The following SOX5 variants were observed in gnomAD, a reference collection of about 807,000 sequenced individuals.
The protein encoded by SOX5 is SRY-box transcription factor 5, also known as transcription factor SOX-5.
Under a neutral mutation model 92.0 loss-of-function variants are expected in SOX5, and 9 were observed. The observed-to-expected ratio is 0.10, with a 90% CI of 0.06 to 0.17. SOX5 has a LOEUF of 0.17. SOX5 is among the 10% of genes least tolerant of loss of function. SOX5 has a pLI of 1.00. For missense variants in SOX5, 642 were observed against 944.5 expected (o/e 0.68, Z 4.20); for synonymous variants, 344 against 336.3 (o/e 1.02, Z -0.25).
chr12:23,884,601 G>A (rs2097041007), intron 2 of SOX5, among the ~76,000 whole-genome samples: 1 of 152,120 alleles, frequency 6.6e-6, no homozygotes, highest in Admixed American at 6.5e-5. Context: ...GGCTGTTCAA[G>A]CTATTTATTC....
chr12:23,640,040 A>T (rs954672417), intron 8 of SOX5, among the ~76,000 whole-genome samples: 7 of 152,196 alleles, frequency 4.6e-5, no homozygotes, highest in Admixed American at 4.6e-4. Context: ...TCCTATTATT[A>T]GATAATTTTC....
intron 4 of SOX5, among the ~76,000 whole-genome samples, chr12:24,070,719 T>C (rs1204710145): frequency 1.3e-5 from 2 of 152,160 alleles, no homozygotes; most frequent in Non-Finnish European, 2.9e-5. Context: ...GAACAAACAT[T>C]TTTAGACATA....
intron 1 of SOX5, among the ~76,000 whole-genome samples, chr12:23,922,066 TC>T (rs371567734): frequency 6.6e-6 from 1 of 151,816 alleles, no homozygotes; most frequent in East Asian, 1.9e-4. Flanking sequence ...ACCAGACAAC[TC>T]CCCCCCTGGG....
chr12:24,495,221 A>G (rs550916550), intron 1 of SOX5, among the ~76,000 whole-genome samples: 1 of 152,194 alleles, frequency 6.6e-6, no homozygotes, highest in Non-Finnish European at 1.5e-5. Context: ...ACAACTATCT[A>G]TTGAGTATCT....
At chr12:24,373,740 G>T (rs1956973925) in intron 1 of SOX5, among the ~76,000 whole-genome samples, 1 of 152,142 alleles carries the variant, frequency 6.6e-6, no homozygotes, top group African/African-American at 2.4e-5. Flanking sequence ...AAGGAATATT[G>T]AAATTATTTA....
intron 3 of SOX5, among the ~76,000 whole-genome samples, chr12:23,771,187 C>CAAAAAAAA (rs376988688): frequency 1.4e-4 from 15 of 108,546 alleles, no homozygotes; most frequent in East Asian, 2.8e-4. Flanking sequence ...AAAAATGGAG[C>CAAAAAAAA]AAAAAAAAAA....
intron 2 of SOX5, among the ~76,000 whole-genome samples, chr12:24,362,632 T>G (rs898302801): frequency 6.6e-6 from 1 of 152,100 alleles, no homozygotes; most frequent in African/African-American, 2.4e-5. Flanking sequence ...TAGTGCATAG[T>G]ACAACTCAAA....
At chr12:23,566,924 C>T (rs1161664535) in intron 10 of SOX5, among the ~76,000 whole-genome samples, 1 of 152,124 alleles carries the variant, frequency 6.6e-6, no homozygotes, top group Non-Finnish European at 1.5e-5. Context: ...TTTCACTTCC[C>T]TTAACTACAA....
intron 1 of SOX5, among the ~76,000 whole-genome samples, chr12:23,943,394 G>A (rs747467026): frequency 3.9e-5 from 6 of 151,912 alleles, no homozygotes; most frequent in East Asian, 1.9e-4. Context: ...AAGAAAAAAC[G>A]TCATTTAGTA....
At chr12:23,954,495 C>G (rs983171605), upstream of SOX5, among the ~76,000 whole-genome samples, 7 of 151,724 alleles carry the variant, frequency 4.6e-5, no homozygotes, top group African/African-American at 1.7e-4. Flanking sequence ...AACTTCCAAC[C>G]AATATACATC....
chr12:24,390,950 T>C (rs1178322954), intron 1 of SOX5, among the ~76,000 whole-genome samples: 2 of 152,152 alleles, frequency 1.3e-5, no homozygotes, highest in East Asian at 1.9e-4. Flanking sequence ...CATCTAGTAG[T>C]GGGACTGCTG....
chr12:23,993,879 G>GCA (rs200930843), intron 4 of SOX5, among the ~76,000 whole-genome samples: 2,592 of 150,186 alleles, frequency 0.017, 31 homozygotes, highest in Non-Finnish European at 0.028. Context: ...ATGTATGTAT[G>GCA]TATGTATGTA....
chr12:23,536,024 G>A (rs1940347447), intron 14 of SOX5, among the ~76,000 whole-genome samples: 1 of 152,104 alleles, frequency 6.6e-6, no homozygotes, highest in Admixed American at 6.5e-5. Flanking sequence ...TACCTTGATA[G>A]CTCACTAACC....
At chr12:24,247,586 T>G (rs1408714090) in intron 3 of SOX5, among the ~76,000 whole-genome samples, 3 of 151,818 alleles carry the variant, frequency 2.0e-5, no homozygotes, top group Non-Finnish European at 4.4e-5. Flanking sequence ...AGCAGAGCCT[T>G]GTGGGCACGT....
intron 11 of SOX5, among the ~76,000 whole-genome samples, chr12:23,561,021 A>C (rs527978157): frequency 1.1e-4 from 16 of 152,246 alleles, no homozygotes; most frequent in African/African-American, 3.9e-4. Flanking sequence ...TCACTTAAAA[A>C]CTCCTAAATT....
At chr12:23,850,435 A>AT (rs1568330691) in intron 2 of SOX5, among the ~76,000 whole-genome samples, 1 of 114,622 alleles carries the variant, frequency 8.7e-6, no homozygotes, top group African/African-American at 3.7e-5. Context: ...CTACAAAAAA[A>AT]AAATAAATAA....
chr12:24,305,054 C>T (rs112556991), intron 2 of SOX5, among the ~76,000 whole-genome samples: 5 of 152,222 alleles, frequency 3.3e-5, no homozygotes, highest in African/African-American at 7.2e-5. Context: ...GGAAGAGTTC[C>T]GAAGACCCCA....
At chr12:24,097,674 C>T (rs1945593731) in intron 4 of SOX5, among the ~76,000 whole-genome samples, 1 of 152,082 alleles carries the variant, frequency 6.6e-6, no homozygotes, top group South Asian at 2.1e-4. Context: ...TAATTAGCTT[C>T]TCTATGAACA....
intron 4 of SOX5, chr12:24,212,282 A>C (rs1011928687): frequency 2.1e-6 from 1 of 470,856 alleles, no homozygotes; most frequent in Admixed American, 2.9e-5. Context: ...AAAACATAAC[A>C]AAATCTCTGA....
Sources: gnomAD v4.1 joint callset for allele counts (sites outside exome capture counted in the v4.1 genomes callset) on GRCh38, gnomAD v4.1.1 for gene constraint, MANE v1.5 for transcripts, NCBI Gene and HGNC (gene_info 2026-07-23, HGNC 2026-07-21) for gene names.